Variants in CROCC2 observed in about 807,000 individuals in gnomAD.
CROCC2 encodes ciliary rootlet coiled-coil, rootletin family member 2.
CROCC2 carries 163 observed loss-of-function variants against 177.6 expected under a neutral mutation model. The ratio of observed to expected loss-of-function variants is 0.92; its 90% CI spans 0.81 to 1.05. CROCC2 has a LOEUF of 1.05. Among genes scored for constraint, CROCC2 ranks in the 50% least tolerant of loss-of-function variants. CROCC2 has a pLI of 0.00. For missense variants in CROCC2, 1,929 were observed against 1,797.8 expected (o/e 1.07, Z -1.32); for synonymous variants, 904 against 787.3 (o/e 1.15, Z -2.48).
intron 29 of CROCC2, 76 bp from the exon 30 acceptor site, chr2:240,989,578 T>A: frequency 7.1e-7 from 1 of 1,407,698 alleles, no homozygotes; most frequent in Non-Finnish European, 9.6e-7. Context: ...TGAAACACCC[T>A]GTGGCACTCC....
chr2:240,951,493 T>G (rs1399594613), intron 18 of CROCC2, among the ~76,000 whole-genome samples: 1 of 152,154 alleles, frequency 6.6e-6, no homozygotes, highest in Non-Finnish European at 1.5e-5. Flanking sequence ...CCCACTCACT[T>G]GAATATCCAT....
chr2:240,965,456 G>T lies in CROCC2; in HGVS notation c.3541G>T (p.Val1181Leu). The T allele has an allele frequency of 6.5e-7, 1 of 1,550,032 alleles. No homozygotes were observed. Among genetic ancestry groups the T allele is most frequent in the Non-Finnish European group, 8.7e-7 (1 of 1,146,984 alleles). ...GCTGCAGGCGCAGTGCTCGCAGGAGGTGCTGGAGCTGCGGAGGCAGGCAGC... is the reference window on the plus strand; with the variant it reads ...GCTGCAGGCGCAGTGCTCGCAGGAGTTGCTGGAGCTGCGGAGGCAGGCAGC... Reference protein sequence around the residue: ...HELQAQCSQEVLELRRQAAKA... With the variant: ...HELQAQCSQELLELRRQAAKA... The change falls in exon 23 of 32, where the codon GTG becomes TTG. Residue 1181 changes from valine to leucine, a missense_variant. Around this residue, in one of 3 missense-constraint regions of CROCC2, gnomAD observed 144 missense variants for 205.2 expected, o/e 0.70. Coordinates refer to ENST00000690015, the MANE Select transcript of CROCC2 (RefSeq NM_001351305.2).
intron 1 of CROCC2, among the ~76,000 whole-genome samples, chr2:240,911,296 C>CTT (rs35968018): frequency 0.21 from 25,944 of 122,976 alleles, 3,348 homozygotes; most frequent in East Asian, 0.23. Flanking sequence ...ACGTCCACAA[C>CTT]TTTTTTTTTT....
intron 28 of CROCC2, among the ~76,000 whole-genome samples, chr2:240,985,245 C>T (rs2059830521): frequency 2.1e-4 from 1 of 4,738 alleles, no homozygotes; most frequent in Non-Finnish European, 2.9e-4. Context: ...ACACACACAC[C>T]CAGGCACTCA....
In CROCC2 at chr2:240,940,116, T is replaced by C. The variant is rs115946433; in HGVS notation, c.2169+4528T>C. 9.3e-3 allele frequency among the ~76,000 whole-genome samples: 1,410 copies of C among 152,270 alleles called. 28 individuals carry two copies. Among genetic ancestry groups the C allele is most frequent in the African/African-American group, 0.033 (1,354 of 41,560 alleles). ...GATTTATTTCTTTGATTGGTTGTTTTTGTCTACTTGCTGCATCAGTCAGTG... is the reference window on the plus strand; with the variant it reads ...GATTTATTTCTTTGATTGGTTGTTTCTGTCTACTTGCTGCATCAGTCAGTG... On this transcript the variant is annotated intron_variant, in intron 14 of 31. Transcript: ENST00000690015.
At chr2:240,961,589 C>T (rs2059635204) in intron 20 of CROCC2, among the ~76,000 whole-genome samples, 1 of 30,178 alleles carries the variant, frequency 3.3e-5, no homozygotes, top group Admixed American at 3.2e-4. Context: ...CATACACTCA[C>T]ACACACACAC....
intron 14 of CROCC2, 45 bp from the exon 15 acceptor site, chr2:240,946,015 C>T: frequency 1.4e-6 from 2 of 1,428,164 alleles, no homozygotes. Context: ...CACCCACCCA[C>T]TTACTCTCTT....
At position 240,972,238 on chromosome 2, in the gene CROCC2, A is replaced by G. The variant is rs891418314; in HGVS notation, c.4401+3976A>G. ...CCCATCCAAATATTTCAGGCTCAAA[A>G]GAAAGGCAGAGAGAAGGGTTCCAAG... On this transcript the variant is annotated intron_variant, in intron 27 of 31. Coordinates refer to ENST00000690015, the MANE Select transcript of CROCC2 (RefSeq NM_001351305.2). This position sits in a 1 kb window ranked among gnomAD's most constrained non-coding sequence, Gnocchi z 7.1. 2.6e-5 allele frequency among the ~76,000 whole-genome samples: 4 copies of G among 152,222 alleles called. No individual in the cohort carries two copies. The highest frequency in any genetic ancestry group is 9.6e-5 in the African/African-American group (4 of 41,458).
chr2:240,929,782 C>G, intron 5 of CROCC2: 1 of 478,456 alleles, frequency 2.1e-6, no homozygotes, highest in Non-Finnish European at 4.1e-6. Context: ...GCAGAAATGT[C>G]TGCCCCAGCA....
Position 240,950,434 on chromosome 2 carries a change from C to A in CROCC2, c.2753C>A (p.Ala918Asp), listed in dbSNP as rs753715786. 10 of 1,550,192 alleles carry A rather than the reference C, an allele frequency of 6.5e-6. No individual in the cohort carries two copies. Among genetic ancestry groups the A allele is most frequent in the Admixed American group, 2.0e-5 (1 of 50,968 alleles). ...ACAAAAAGTGCAGCTGAGAGGGAGG[C>A]TCTGAAGGGGGAAATTCAGAGCCTG... is the stretch of plus-strand genomic sequence containing the variant. ...LVTKSAAERE[A>D]LKGEIQSLKQ... The change falls in exon 18 of 32, where the codon GCT becomes GAT. Residue 918 changes from alanine (A) to aspartate (D), a missense_variant. Coordinates refer to ENST00000690015, the MANE Select transcript of CROCC2 (RefSeq NM_001351305.2).
At chr2:240,954,096 A>G (rs2059574064) in intron 18 of CROCC2, among the ~76,000 whole-genome samples, 2 of 152,232 alleles carry the variant, frequency 1.3e-5, no homozygotes, top group Non-Finnish European at 2.9e-5. Flanking sequence ...CAGGGCCTCA[A>G]GGGAGGGAGG....
In CROCC2 at chr2:240,965,915, T is replaced by C; in HGVS notation, c.3883T>C (p.Ser1295Pro). The change falls in exon 24 of 32, where the codon TCC becomes CCC. Residue 1295 changes from serine (S) to proline (P), a missense_variant. Ser to Pro is a moderately conservative substitution (Grantham distance 74). Coordinates refer to ENST00000690015, the MANE Select transcript of CROCC2 (RefSeq NM_001351305.2). ...GGAGGCCCAGCTGGGCCGGCTGTGC[T>C]CCACGCTCCGCCGTGGCCTGGGGCT... Reference protein sequence around the residue: ...DAEAQLGRLCSTLRRGLGLQR... With the variant: ...DAEAQLGRLCPTLRRGLGLQR... The C allele has an allele frequency of 7.0e-7, 1 of 1,424,160 alleles. No homozygotes were observed. Among genetic ancestry groups the C allele is most frequent in the Non-Finnish European group, 9.2e-7 (1 of 1,089,668 alleles). 88.2% of individuals were successfully genotyped at this position (1,424,160 alleles called of 1,614,324 possible). A position where few individuals can be genotyped will look rare whatever the true frequency, so the allele number is the denominator to read the frequency against.
At chr2:240,990,760 T>C (rs2059873491) in intron 30 of CROCC2, among the ~76,000 whole-genome samples, 1 of 152,152 alleles carries the variant, frequency 6.6e-6, no homozygotes, top group African/African-American at 2.4e-5. Flanking sequence ...TTTTTTGTAT[T>C]GTTAGTAGAG....
rs565165445 is a variant in CROCC2, at chr2:240,946,078, G to A, written c.2188G>A (p.Ala730Thr). 6 of 1,523,090 alleles carry A rather than the reference G, an allele frequency of 3.9e-6. No homozygotes were observed. The highest frequency in any genetic ancestry group is 5.3e-6 in the Non-Finnish European group (6 of 1,125,974). 94.3% of individuals were successfully genotyped at this position (1,523,090 alleles called of 1,614,324 possible). A position where few individuals can be genotyped will look rare whatever the true frequency, so the allele number is the denominator to read the frequency against. The change falls in exon 15 of 32, where the codon GCC becomes ACC. Residue 730 changes from alanine to threonine, a missense_variant. Around this residue, in one of 3 missense-constraint regions of CROCC2, gnomAD observed 1,397 missense variants for 1,239.9 expected, o/e 1.13. Coordinates refer to ENST00000690015, the MANE Select transcript of CROCC2 (RefSeq NM_001351305.2). ...CCCCTAGGTCACATGCCAGAAACAG[G>A]CCCTGGAGGAGCAGCTGGCTCAGAG... The part of the protein sequence containing the change: ...QVGQVTCQKQ[A>T]LEEQLAQSLQ...
intron 20 of CROCC2, among the ~76,000 whole-genome samples, chr2:240,961,604 T>TCACATACACTCACACACGCACG (rs2059635572): frequency 8.6e-6 from 1 of 116,024 alleles, no homozygotes; most frequent in Non-Finnish European, 1.7e-5. Context: ...ACACACGCAC[T>TCACATACACTCACACACGCACG]CACACATACA....
intron 10 of CROCC2, among the ~76,000 whole-genome samples, 159 bp from the exon 11 acceptor site, chr2:240,933,511 G>T (rs1321120866): frequency 6.6e-6 from 1 of 152,170 alleles, no homozygotes; most frequent in East Asian, 1.9e-4. Flanking sequence ...GGGCCAGGGT[G>T]GGACACACCC....
chr2:240,982,885 A>G lies in CROCC2; in HGVS notation c.4407A>G (p.Gln1469=). Residue 1469 remains glutamine (Q), a synonymous_variant, in exon 28 of 32, where the codon CAA becomes CAG. Coordinates refer to ENST00000690015, the MANE Select transcript of CROCC2 (RefSeq NM_001351305.2). This position sits in a 1 kb window ranked among gnomAD's most constrained non-coding sequence, Gnocchi z 4.7. The part of the protein sequence containing the change: ...AGQEKRRLQE[Q]LETLRQALEE... ...CTGTGTCTCCTTCCCCCCAGGAGCA[A>G]CTGGAAACGCTGCGCCAGGCTCTTG... The G allele has an allele frequency of 1.3e-6, 2 of 1,548,246 alleles. No individual in the cohort carries two copies. Among genetic ancestry groups the G allele is most frequent in the Non-Finnish European group, 1.7e-6 (2 of 1,145,978 alleles).
In CROCC2 at chr2:240,922,636, C is replaced by A; in HGVS notation, c.479C>A (p.Ala160Asp). ...GAGGCCCTTGGCCGTCTGGAGGCTG[C>A]CGAGGAGAGGTGAGGCCAGGTGCGG... is the stretch of plus-strand genomic sequence containing the variant. Reference protein sequence around the residue: ...LEEALGRLEAAEERSTGLCQV... With the variant: ...LEEALGRLEADEERSTGLCQV... The change falls in exon 4 of 32, where the codon GCC (alanine) becomes GAC (aspartate). Residue 160 changes from alanine (A) to aspartate (D), a missense_variant. Transcript: ENST00000690015. 1 of 653,862 alleles carries A rather than the reference C, an allele frequency of 1.5e-6. No individual in the cohort carries two copies. 40.5% of individuals were successfully genotyped at this position (653,862 alleles called of 1,614,324 possible). A position where few individuals can be genotyped will look rare whatever the true frequency, so the allele number is the denominator to read the frequency against.
At chr2:240,985,802 C>T (rs4675836) in intron 28 of CROCC2, 76,893 of 279,662 alleles carry the variant, frequency 0.27, 11,994 homozygotes, top group East Asian at 0.42. Flanking sequence ...ACCCACTCCA[C>T]ACACACCCAG....
Sources: allele counts gnomAD v4.1 joint callset (sites outside exome capture counted in the v4.1 genomes callset), GRCh38; gene constraint gnomAD v4.1.1; regional missense constraint gnomAD v4.1.1; non-coding constraint Gnocchi (gnomAD v3.1); transcripts MANE v1.5; gene names NCBI Gene and HGNC (gene_info 2026-07-23, HGNC 2026-07-21).